CROCC2: variants seen among roughly 807,000 people sequenced by gnomAD.
The protein encoded by CROCC2 is ciliary rootlet coiled-coil, rootletin family member 2, also known as ciliary rootlet coiled-coil protein 2.
Under a neutral mutation model 177.6 loss-of-function variants are expected in CROCC2, and 163 were observed. The observed-to-expected ratio is 0.92, with a 90% confidence interval of 0.81 to 1.05. The LOEUF is 1.05. Among genes scored for constraint, CROCC2 ranks in the 50% least tolerant of loss-of-function variants. The pLI is 0.00. For missense variants in CROCC2, 1,929 were observed against 1,797.8 expected (o/e 1.07, Z -1.32); for synonymous variants, 904 against 787.3 (o/e 1.15, Z -2.48).
intron 10 of CROCC2, 75 bp downstream of exon 10, chr2:240,933,417 C>T (rs2059447194): frequency 1.5e-6 from 2 of 1,374,102 alleles, no homozygotes; most frequent in Non-Finnish European, 1.9e-6. Flanking sequence ...GCTGTCAGGA[C>T]AAGCACCTCT....
In CROCC2 at chr2:240,968,146, GGC is replaced by G; in HGVS notation, c.4290_4291del (p.Leu1431GlufsTer47). 6.7e-7 allele frequency: 1 copy of G among 1,500,780 alleles called. No individual in the cohort carries two copies. The highest frequency in any genetic ancestry group is 8.9e-7 in the Non-Finnish European group (1 of 1,128,026). The allele number at this position is 1,500,780 out of a possible 1,614,324, so 93.0% of individuals were successfully genotyped here. A position where few individuals can be genotyped will look rare whatever the true frequency, so the allele number is the denominator to read the frequency against. ...EAEEGQRRVE[G>X]ALSSARAARA... ...CCCCACAGGCCAGCGCCGGGTGGAG[GGC>G]GCGCTGAGCAGCGCCCGGGCAGCAC... On this transcript the variant is annotated frameshift_variant, in exon 27 of 32. Coordinates refer to ENST00000690015, the MANE Select transcript of CROCC2 (RefSeq NM_001351305.2). LOFTEE classifies it high-confidence loss of function.
intron 10 of CROCC2, 35 bp downstream of exon 10, chr2:240,933,377 G>A: frequency 6.9e-7 from 1 of 1,455,940 alleles, no homozygotes; most frequent in Non-Finnish European, 9.1e-7. Context: ...GCCTTGCACA[G>A]GGTGTATGGG....
intron 4 of CROCC2, among the ~76,000 whole-genome samples, chr2:240,923,201 G>A (rs1472699730): frequency 1.3e-5 from 2 of 151,998 alleles, no homozygotes; most frequent in Non-Finnish European, 2.9e-5. Flanking sequence ...GAATAACAGG[G>A]AGGGAGTGGC....
intron 3 of CROCC2, among the ~76,000 whole-genome samples, chr2:240,921,308 C>A (rs2059355845): frequency 6.6e-6 from 1 of 152,188 alleles, no homozygotes; most frequent in South Asian, 2.1e-4. Context: ...ACGTTTCCAT[C>A]CATTGTTGCT....
At chr2:240,934,624 C>G in intron 12 of CROCC2, 149 bp downstream of exon 12, 3 of 883,128 alleles carry the variant, frequency 3.4e-6, no homozygotes, top group Non-Finnish European at 5.1e-6. Flanking sequence ...AGTTCTCTCC[C>G]GTCCCCAACC....
intron 27 of CROCC2, among the ~76,000 whole-genome samples, chr2:240,969,029 G>A (rs939108290): frequency 1.3e-5 from 2 of 152,240 alleles, no homozygotes; most frequent in Admixed American, 6.5e-5. Context: ...AGGGGCCAGA[G>A]AACAGCGTGC....
chr2:240,972,874 T>TA lies in CROCC2; in HGVS notation c.4401+4614dup, dbSNP rs1029616545. Among the ~76,000 whole-genome samples the TA allele has an allele frequency of 1.2e-4, 19 of 152,176 alleles. No individual in the cohort carries two copies. The highest frequency in any genetic ancestry group is 3.1e-4 in the African/African-American group (13 of 41,528). ...ATAGGTTTCTGGATTCAGACACACC[T>TA]AAGTCACCAGAGGCCCCCGCTTTTG... On this transcript the variant is annotated intron_variant, in intron 27 of 31. Transcript: ENST00000690015. The surrounding 1 kb of genome is among the most constrained non-coding windows in gnomAD (Gnocchi z 7.1).
rs2059627108 is a variant in CROCC2 at position 240,960,838 on chromosome 2, C to T, written c.3087+1394C>T. On this transcript the variant is annotated intron_variant, in intron 20 of 31. Transcript: ENST00000690015. The surrounding 1 kb of genome is among the most constrained non-coding windows in gnomAD (Gnocchi z 5.0). ...CATTGGCCCCAAGGAGAAAGGTCTC[C>T]TTTCAACAGATTTCAAAGTCAGGCC... is the stretch of plus-strand genomic sequence containing the variant. 6.7e-6 allele frequency among the ~76,000 whole-genome samples: 1 copy of T among 148,890 alleles called. No homozygotes were observed. Among genetic ancestry groups the T allele is most frequent in the African/African-American group, 2.5e-5 (1 of 40,426 alleles).
chr2:240,933,250 G>C lies in CROCC2; in HGVS notation c.1371G>C (p.Glu457Asp). 3 of 1,549,048 alleles carry C rather than the reference G, an allele frequency of 1.9e-6. No individual in the cohort carries two copies. The highest frequency in any genetic ancestry group is 1.7e-6 in the Non-Finnish European group (2 of 1,146,656). The change falls in exon 10 of 32, where the codon GAG (glutamate) becomes GAC (aspartate). Residue 457 changes from glutamate to aspartate, a missense_variant. Coordinates refer to ENST00000690015, the MANE Select transcript of CROCC2 (RefSeq NM_001351305.2). ...AGCTCCAGCAGGAGCGGGCTCGGGAGCAGGCACGGGAACGAGAGGCTCTTC... is the reference window on the plus strand; with the variant it reads ...AGCTCCAGCAGGAGCGGGCTCGGGACCAGGCACGGGAACGAGAGGCTCTTC... ...AQKLQQERAR[E>D]QAREREALRG...
chr2:240,916,451 C>T (rs1288555186), intron 1 of CROCC2, among the ~76,000 whole-genome samples: 1 of 79,120 alleles, frequency 1.3e-5, no homozygotes, highest in East Asian at 4.6e-4. Context: ...CGTCCCCCGC[C>T]CCCCCCATGC....
rs555857918 is a variant in CROCC2 at position 240,955,847 on chromosome 2, C to T, written c.2830-12C>T. On this transcript the variant is annotated splice_polypyrimidine_tract_variant and intron_variant, in intron 18 of 31. Coordinates refer to ENST00000690015, the MANE Select transcript of CROCC2 (RefSeq NM_001351305.2). Reference sequence around the variant, plus strand: ...CCCCAACTTTCTCACAAGCATACCCCGTCCTGTTCAGGCCCTGTCCCTGAA... The same window carrying T: ...CCCCAACTTTCTCACAAGCATACCCTGTCCTGTTCAGGCCCTGTCCCTGAA... 766 of 1,527,426 alleles carry T rather than the reference C, an allele frequency of 5.0e-4. 3 individuals are homozygous for T. Among genetic ancestry groups the T allele is most frequent in the African/African-American group, 2.9e-3 (215 of 73,004 alleles). 94.6% of individuals were successfully genotyped at this position (1,527,426 alleles called of 1,614,324 possible).
chr2:240,983,307 G>A, intron 28 of CROCC2: 1 of 1,168,338 alleles, frequency 8.6e-7, no homozygotes, highest in South Asian at 1.5e-5. Context: ...AGTCAGCTGT[G>A]GACACGCCGT....
At chr2:240,983,228 C>A in intron 28 of CROCC2, 199 bp downstream of exon 28, 2 of 865,006 alleles carry the variant, frequency 2.3e-6, no homozygotes, top group Non-Finnish European at 3.4e-6. Context: ...GAAACTGAGC[C>A]TGGAGGGGCC....
intron 14 of CROCC2, among the ~76,000 whole-genome samples, chr2:240,940,348 TCTTTTTTGATATCTA>T (rs1034218337): frequency 2.4e-4 from 36 of 152,324 alleles, no homozygotes; most frequent in Admixed American, 9.8e-4. Context: ...CTAGCAATAC[TCTTTTTTGATATCTA>T]CTTTTTTGAT....
At chr2:240,981,684 C>T (rs983284009) in intron 27 of CROCC2, 2 of 152,100 alleles carry the variant, frequency 1.3e-5, no homozygotes, top group Non-Finnish European at 2.9e-5. Flanking sequence ...AAGGGTGAAG[C>T]ATCACAGTCT....
At chr2:240,951,445 T>C (rs139259083) in intron 18 of CROCC2, among the ~76,000 whole-genome samples, 1 of 152,078 alleles carries the variant, frequency 6.6e-6, no homozygotes, top group Non-Finnish European at 1.5e-5. Flanking sequence ...CATCCATCCA[T>C]GCACTTGAAT....
chr2:240,910,926 T>A (rs563479122), intron 1 of CROCC2, among the ~76,000 whole-genome samples: 1 of 151,234 alleles, frequency 6.6e-6, no homozygotes, highest in Non-Finnish European at 1.5e-5. Context: ...AGGTCAGGAG[T>A]TTGAGACCAG....
Position 240,917,212 on chromosome 2 carries a change from G to A in CROCC2, c.79-1514G>A, listed in dbSNP as rs1375427553. Among the ~76,000 whole-genome samples the A allele has an allele frequency of 6.7e-6, 1 of 149,844 alleles. No individual in the cohort carries two copies. Among genetic ancestry groups the A allele is most frequent in the Non-Finnish European group, 1.5e-5 (1 of 68,010 alleles). ...GTGGGGAGGCGTTTGCTGAGTGGCT[G>A]CCCTTTGCAGGGCAGCAGAGTCGGA... On this transcript the variant is annotated intron_variant, in intron 1 of 31. Transcript: ENST00000690015. The surrounding 1 kb of genome is among the most constrained non-coding windows in gnomAD (Gnocchi z 4.9).
chr2:240,946,167 G>A lies in CROCC2; in HGVS notation c.2277G>A (p.Leu759=). The A allele has an allele frequency of 6.5e-7, 1 of 1,548,656 alleles. No individual in the cohort carries two copies. Among genetic ancestry groups the A allele is most frequent in the South Asian group, 1.2e-5 (1 of 84,006 alleles). ...AAGCCCTGCAAGGAAAGGATGCTCT[G>A]TCTGAGGAGCGGGCCCAGCTGCTGG... ...LQQALQGKDA[L]SEERAQLLAK... Residue 759 remains leucine (L), a synonymous_variant, in exon 15 of 32, where the codon CTG becomes CTA. Transcript: ENST00000690015.
Sources: gnomAD v4.1 joint callset for allele counts (sites outside exome capture counted in the v4.1 genomes callset) on GRCh38, gnomAD v4.1.1 for gene constraint, Gnocchi (gnomAD v3.1) non-coding constraint, MANE v1.5 for transcripts, NCBI Gene and HGNC (gene_info 2026-07-23, HGNC 2026-07-21) for gene names.